Variants in ADAMTS2 observed in about 807,000 individuals in gnomAD.
The protein encoded by ADAMTS2 is ADAM metallopeptidase with thrombospondin type 1 motif 2.
In ADAMTS2, 50 loss-of-function variants were observed where a neutral mutation model predicts 123.0. The ratio of observed to expected loss-of-function variants is 0.41; its 90% CI spans 0.32 to 0.51. The LOEUF (loss-of-function observed/expected upper bound fraction) is 0.51. ADAMTS2 is among the 20% of genes least tolerant of loss of function. The probability of loss-of-function intolerance (pLI) is 0.35; values close to 1 mark genes in which losing one functional copy is unlikely to be tolerated. For synonymous variants in ADAMTS2, 678 were observed against 695.4 expected, an observed-to-expected ratio of 0.98 and a Z score of 0.39; for missense variants, 1,494 against 1,705.2, an observed-to-expected ratio of 0.88 and a Z score of 2.18.
At chr5:179,196,771 C>T (rs969882988) in intron 4 of ADAMTS2, among the ~76,000 whole-genome samples, 1 of 152,240 alleles carries the variant, frequency 6.6e-6, no homozygotes, top group African/African-American at 2.4e-5. Context: ...CCTTTAGCAC[C>T]TCATAGTGAA....
rs566029503 is a variant in ADAMTS2 at position 179,262,391 on chromosome 5, C to T, written c.688+10520G>A. Reference sequence around the variant, plus strand: ...CCGCCATCTGTCACCGGGACTCCTCCCTGCTTCCACACCGTCCACCGAAAA... The same window carrying T: ...CCGCCATCTGTCACCGGGACTCCTCTCTGCTTCCACACCGTCCACCGAAAA... On this transcript the variant is annotated intron_variant, in intron 3 of 21. Transcript: ENST00000251582. This position sits in a 1 kb window ranked among gnomAD's most constrained non-coding sequence, Gnocchi z 5.9. 1.3e-4 allele frequency among the ~76,000 whole-genome samples: 20 copies of T among 152,098 alleles called. No homozygotes were observed. In the South Asian group the frequency reaches 4.0e-3, roughly 30 times the overall value.
intron 2 of ADAMTS2, among the ~76,000 whole-genome samples, chr5:179,287,936 G>A (rs960852553): frequency 1.3e-5 from 2 of 152,250 alleles, no homozygotes; most frequent in African/African-American, 4.8e-5. Flanking sequence ...CCACTCCACT[G>A]TGCAACAAGG....
chr5:179,191,081 G>A (rs979124005), intron 4 of ADAMTS2, among the ~76,000 whole-genome samples: 1 of 152,264 alleles, frequency 6.6e-6, no homozygotes, highest in African/African-American at 2.4e-5. Context: ...GCAGAACGGG[G>A]AAGGACCAGT....
intron 3 of ADAMTS2, among the ~76,000 whole-genome samples, chr5:179,212,789 A>G (rs7734402): frequency 0.48 from 62,774 of 132,062 alleles, 14,748 homozygotes; most frequent in Non-Finnish European, 0.54. Flanking sequence ...GCTGAGGGCA[A>G]GTGCAGTGGG....
Position 179,180,260 on chromosome 5 carries a change from C to T in ADAMTS2, c.975+812G>A, listed in dbSNP as rs1247146163. Among the ~76,000 whole-genome samples, 4 of 152,304 alleles carry T rather than the reference C, an allele frequency of 2.6e-5. No homozygotes were observed. The highest frequency in any genetic ancestry group is 2.1e-4 in the South Asian group (1 of 4,824). On this transcript the variant is annotated intron_variant, in intron 5 of 21. Transcript: ENST00000251582. This position sits in a 1 kb window ranked among gnomAD's most constrained non-coding sequence, Gnocchi z 4.6. ...TGCCATCCCAGGTCACTGTCCCTGG[C>T]GGCTACACACCCATGCACACCGCCA...
rs530395049 is a variant in ADAMTS2 at position 179,312,791 on chromosome 5, C to T, written c.534+30976G>A. ...AGGACGCATCCTCCCCTAGAGGCTCCGGAGGGAGCGCGGCCCTGCCGCCAC... is the reference window on the plus strand; with the variant it reads ...AGGACGCATCCTCCCCTAGAGGCTCTGGAGGGAGCGCGGCCCTGCCGCCAC... On this transcript the variant is annotated intron_variant, in intron 2 of 21. Coordinates refer to ENST00000251582, the MANE Select transcript of ADAMTS2 (RefSeq NM_014244.5). This position sits in a 1 kb window ranked among gnomAD's most constrained non-coding sequence, Gnocchi z 4.2. Among the ~76,000 whole-genome samples, 2 of 152,198 alleles carry T rather than the reference C, an allele frequency of 1.3e-5. No individual in the cohort carries two copies. The highest frequency in any genetic ancestry group is 2.4e-5 in the African/African-American group (1 of 41,448).
At chr5:179,141,094 C>A (rs558108955) in intron 10 of ADAMTS2, among the ~76,000 whole-genome samples, 2 of 151,952 alleles carry the variant, frequency 1.3e-5, no homozygotes, top group Non-Finnish European at 2.9e-5. Context: ...GGATTACAGG[C>A]GTGAGCCACC....
At position 179,317,589 on chromosome 5, in the gene ADAMTS2, A is replaced by T. The variant is rs113648224; in HGVS notation, c.534+26178T>A. ...GCTGCCCAGACCATGGGTGGCCAGC[A>T]GCACTGCAGTGTTGGTGTAATCTAT... On this transcript the variant is annotated intron_variant, in intron 2 of 21. Coordinates refer to ENST00000251582, the MANE Select transcript of ADAMTS2 (RefSeq NM_014244.5). The surrounding 1 kb of genome is among the most constrained non-coding windows in gnomAD (Gnocchi z 4.9). Among the ~76,000 whole-genome samples the T allele has an allele frequency of 3.3e-5, 5 of 152,328 alleles. No individual in the cohort carries two copies. The highest frequency in any genetic ancestry group is 1.2e-4 in the African/African-American group (5 of 41,576).
At chr5:179,273,127 C>A in intron 2 of ADAMTS2, 63 bp from the exon 3 acceptor site, 1 of 1,610,330 alleles carries the variant, frequency 6.2e-7, no homozygotes, top group Non-Finnish European at 8.5e-7. Context: ...AGGGGAACAG[C>A]GAGGAGACCC....
At chr5:179,121,014 C>A (rs949217726) in intron 21 of ADAMTS2, 1 of 152,228 alleles carries the variant, frequency 6.6e-6, no homozygotes, top group East Asian at 1.9e-4. Context: ...GCGCACCAGA[C>A]GGCCACTCTC....
chr5:179,277,121 C>T (rs964707340), intron 2 of ADAMTS2, among the ~76,000 whole-genome samples: 2 of 152,140 alleles, frequency 1.3e-5, no homozygotes, highest in Non-Finnish European at 2.9e-5. Flanking sequence ...GGCACAGGAG[C>T]ACACTGGGGT....
At chr5:179,289,675 C>T (rs754161694) in intron 2 of ADAMTS2, among the ~76,000 whole-genome samples, 23 of 152,288 alleles carry the variant, frequency 1.5e-4, no homozygotes, top group Admixed American at 3.9e-4. Flanking sequence ...CTAGAGCTCC[C>T]GGGGCATCCA....
At chr5:179,245,428 G>A (rs373246475) in intron 3 of ADAMTS2, among the ~76,000 whole-genome samples, 120 of 152,224 alleles carry the variant, frequency 7.9e-4, no homozygotes, top group Admixed American at 1.7e-3. Flanking sequence ...ATTTGTTACC[G>A]CAGCAATCAA....
chr5:179,337,703 G>A (rs1757653155), intron 2 of ADAMTS2, among the ~76,000 whole-genome samples: 1 of 152,250 alleles, frequency 6.6e-6, no homozygotes. Flanking sequence ...ATACCACAGT[G>A]GGCAGGCCCA....
chr5:179,171,376 G>A (rs1246723558), intron 5 of ADAMTS2, among the ~76,000 whole-genome samples: 6 of 152,176 alleles, frequency 3.9e-5, no homozygotes, highest in East Asian at 1.9e-4. Context: ...TTTCCTAGCC[G>A]CTGTGCCCTC....
intron 5 of ADAMTS2, among the ~76,000 whole-genome samples, chr5:179,177,753 T>C (rs1763962615): frequency 6.6e-6 from 1 of 151,838 alleles, no homozygotes; most frequent in South Asian, 2.1e-4. Context: ...CCTGAGGCAG[T>C]TAAGGAAAAA....
rs1016647323 is a variant in ADAMTS2, at chr5:179,234,243, G to A, written c.689-26528C>T. Among the ~76,000 whole-genome samples the A allele has an allele frequency of 6.6e-6, 1 of 152,080 alleles. No individual in the cohort carries two copies. The highest frequency in any genetic ancestry group is 2.4e-5 in the African/African-American group (1 of 41,400). ...CTCGAGGCTTAACCCCTGCTCTGTG[G>A]GGGATTCCTGCTGCTCTGCCTGAAT... On this transcript the variant is annotated intron_variant, in intron 3 of 21. Transcript: ENST00000251582. This position sits in a 1 kb window ranked among gnomAD's most constrained non-coding sequence, Gnocchi z 4.7.
intron 3 of ADAMTS2, among the ~76,000 whole-genome samples, chr5:179,259,226 C>A (rs1318734421): frequency 1.3e-5 from 2 of 152,214 alleles, no homozygotes; most frequent in Admixed American, 1.3e-4. Context: ...GCTGCCCTGG[C>A]CCCTTTTCCT....
At chr5:179,335,271 T>G (rs1299354480) in intron 2 of ADAMTS2, among the ~76,000 whole-genome samples, 1 of 152,202 alleles carries the variant, frequency 6.6e-6, no homozygotes, top group Admixed American at 6.5e-5. Context: ...TAACCCAGTA[T>G]GCCCAAAATA....
Sources: gnomAD v4.1 joint callset for allele counts (sites outside exome capture counted in the v4.1 genomes callset) on GRCh38, gnomAD v4.1.1 for gene constraint, Gnocchi (gnomAD v3.1) non-coding constraint, MANE v1.5 for transcripts, NCBI Gene and HGNC (gene_info 2026-07-23, HGNC 2026-07-21) for gene names.